KCNC1: variants seen among roughly 807,000 people sequenced by gnomAD.
KCNC1 encodes the protein potassium voltage-gated channel subfamily C member 1, also known as voltage-gated potassium channel KCNC1.
A neutral mutation model predicts 43.4 loss-of-function variants in KCNC1; 8 were observed. The observed-to-expected ratio is 0.18, with a 90% CI of 0.11 to 0.33. The LOEUF (loss-of-function observed/expected upper bound fraction) is 0.33. KCNC1 is among the 10% of genes least tolerant of loss of function. The pLI is 1.00. For missense variants in KCNC1, 420 were observed against 836.0 expected (o/e 0.50, Z 6.14); for synonymous variants, 361 against 360.5 (o/e 1.00, Z -0.01).
intron 1 of KCNC1, among the ~76,000 whole-genome samples, chr11:17,753,638 A>T (rs1013326713): frequency 2.0e-5 from 3 of 152,250 alleles, no homozygotes; most frequent in African/African-American, 7.2e-5. Context: ...CGCCTCTTCA[A>T]AAAGAAATTG....
chr11:17,775,684 A>G (rs1849277539), intron 2 of KCNC1: 17 of 985,508 alleles, frequency 1.7e-5, no homozygotes, highest in Non-Finnish European at 1.9e-5. Flanking sequence ...TGTCTTGTCC[A>G]TCTCCGCTCC....
intron 1 of KCNC1, among the ~76,000 whole-genome samples, chr11:17,737,364 C>T (rs190808441): frequency 8.0e-4 from 122 of 152,062 alleles, no homozygotes; most frequent in African/African-American, 2.8e-3. Flanking sequence ...GGGGTCGGTC[C>T]TTAAGGGTCC....
intron 1 of KCNC1, among the ~76,000 whole-genome samples, chr11:17,762,350 G>A (rs1030079508): frequency 6.6e-6 from 1 of 152,228 alleles, no homozygotes; most frequent in African/African-American, 2.4e-5. Flanking sequence ...AGAGGACCAG[G>A]GCGGGAGGGT....
rs746304442 is a variant in KCNC1 at position 17,742,436 on chromosome 11, G to T, written c.570+5864G>T. Among the ~76,000 whole-genome samples the T allele has an allele frequency of 3.9e-5, 6 of 152,182 alleles. No individual in the cohort carries two copies. Among genetic ancestry groups the T allele is most frequent in the Non-Finnish European group, 7.4e-5 (5 of 68,024 alleles). On this transcript the variant is annotated intron_variant, in intron 1 of 3. Coordinates refer to ENST00000265969, the MANE Select transcript of KCNC1 (RefSeq NM_001112741.2). The surrounding 1 kb of genome is among the most constrained non-coding windows in gnomAD (Gnocchi z 4.2). ...TATAATGCCTCTGGCTATTCTGAGC[G>T]GTCTCATGACCAGGGGATTCACTCT...
Position 17,771,628 on chromosome 11 carries a change from TG to T in KCNC1, c.571-34del. On this transcript the variant is annotated intron_variant, in intron 1 of 3. Transcript: ENST00000265969. The surrounding 1 kb of genome is among the most constrained non-coding windows in gnomAD (Gnocchi z 4.7). ...GCAACCCAGGCTTCTCCACTCTGGGTGGGCCTCCCTCTGACACTGTGTCTTT... is the reference window on the plus strand; with the variant it reads ...GCAACCCAGGCTTCTCCACTCTGGGTGGCCTCCCTCTGACACTGTGTCTTT... 6.4e-7 allele frequency: 1 copy of T among 1,559,220 alleles called. No individual in the cohort carries two copies. The highest frequency in any genetic ancestry group is 8.7e-7 in the Non-Finnish European group (1 of 1,143,938).
chr11:17,755,495 G>A (rs555845418), intron 1 of KCNC1, among the ~76,000 whole-genome samples: 2 of 152,286 alleles, frequency 1.3e-5, no homozygotes, highest in East Asian at 1.9e-4. Flanking sequence ...TGGGACATGG[G>A]TGGTCACAGC....
chr11:17,744,186 G>A, intron 1 of KCNC1, among the ~76,000 whole-genome samples: 1 of 152,168 alleles, frequency 6.6e-6, no homozygotes, highest in East Asian at 1.9e-4. Context: ...CAGAGGTCGT[G>A]CTAACTGACG....
At chr11:17,740,530 C>T (rs1328362705) in intron 1 of KCNC1, among the ~76,000 whole-genome samples, 1 of 152,114 alleles carries the variant, frequency 6.6e-6, no homozygotes, top group Non-Finnish European at 1.5e-5. Flanking sequence ...TGGGGGCCAG[C>T]TCAGGTCTGA....
Position 17,735,660 on chromosome 11 carries a change from T to G in KCNC1, c.-343T>G, listed in dbSNP as rs1469220458. 2.2e-5 allele frequency: 1 copy of G among 45,340 alleles called. No homozygotes were observed. 2.8% of individuals were successfully genotyped at this position (45,340 alleles called of 1,614,324 possible). On this transcript the variant is annotated 5_prime_UTR_variant, in exon 1 of 4. Coordinates refer to ENST00000265969, the MANE Select transcript of KCNC1 (RefSeq NM_001112741.2). The surrounding 1 kb of genome is among the most constrained non-coding windows in gnomAD (Gnocchi z 6.7). ...GGGCTCGCTGCTGAGCCCGCCCCCC[T>G]CCCTCTTTCCCCCTCACTCCCTCCC...
Position 17,776,042 on chromosome 11 carries a change from C to T in KCNC1, c.1505-3414C>T. The T allele has an allele frequency of 1.0e-6, 1 of 985,444 alleles. No homozygotes were observed. The highest frequency in any genetic ancestry group is 1.2e-6 in the Non-Finnish European group (1 of 829,972). The allele number at this position is 985,444 out of a possible 1,614,324, so 61.0% of individuals were successfully genotyped here. A position where few individuals can be genotyped will look rare whatever the true frequency, so the allele number is the denominator to read the frequency against. Reference sequence around the variant, plus strand: ...GCGGGTGGGGCTAAGAGAGTTTCTGCAGGGACCCAGCTGCAGGGTCAGCAG... The same window carrying T: ...GCGGGTGGGGCTAAGAGAGTTTCTGTAGGGACCCAGCTGCAGGGTCAGCAG... On this transcript the variant is annotated intron_variant, in intron 2 of 3. Coordinates refer to ENST00000265969, the MANE Select transcript of KCNC1 (RefSeq NM_001112741.2). The surrounding 1 kb of genome is among the most constrained non-coding windows in gnomAD (Gnocchi z 4.4).
At chr11:17,737,925 C>T (rs1269179328) in intron 1 of KCNC1, among the ~76,000 whole-genome samples, 1 of 146,362 alleles carries the variant, frequency 6.8e-6, no homozygotes, top group Admixed American at 6.7e-5. Context: ...CCTCAAGTGC[C>T]CATGGGCAAA....
chr11:17,745,979 T>C (rs886573), intron 1 of KCNC1, among the ~76,000 whole-genome samples: 117,539 of 152,148 alleles, frequency 0.77, 46,088 homozygotes, highest in East Asian at 0.9. Flanking sequence ...GGGATTTTTG[T>C]CTCTTTTTCC....
chr11:17,747,100 T>G (rs758103696), intron 1 of KCNC1, among the ~76,000 whole-genome samples: 17 of 152,134 alleles, frequency 1.1e-4, no homozygotes, highest in Non-Finnish European at 1.9e-4. Flanking sequence ...ATCAGATGCT[T>G]CTCCTAGGTG....
chr11:17,737,878 G>A (rs893898676), intron 1 of KCNC1, among the ~76,000 whole-genome samples: 1 of 152,192 alleles, frequency 6.6e-6, no homozygotes, highest in Non-Finnish European at 1.5e-5. Context: ...GGGGTAGGAA[G>A]TTGCAGAGGA....
At position 17,771,465 on chromosome 11, in the gene KCNC1, A is replaced by G. The variant is rs547445021; in HGVS notation, c.571-200A>G. ...CAATAGGGGGAAGAAGACAGCATGG[A>G]AGGCGGAGTAGGAGGGTTTTAGAGC... On this transcript the variant is annotated intron_variant, in intron 1 of 3. Coordinates refer to ENST00000265969, the MANE Select transcript of KCNC1 (RefSeq NM_001112741.2). The surrounding 1 kb of genome is among the most constrained non-coding windows in gnomAD (Gnocchi z 4.7). Among the ~76,000 whole-genome samples the G allele has an allele frequency of 1.2e-4, 19 of 152,304 alleles. No homozygotes were observed. The highest frequency in any genetic ancestry group is 6.2e-4 in the South Asian group (3 of 4,816).
At chr11:17,758,992 T>G (rs1045854092) in intron 1 of KCNC1, among the ~76,000 whole-genome samples, 1 of 152,242 alleles carries the variant, frequency 6.6e-6, no homozygotes, top group Admixed American at 6.5e-5. Context: ...TCTCTCTAGC[T>G]ATGAAAACCC....
chr11:17,773,493 G>T lies in KCNC1; in HGVS notation c.1504+895G>T. The T allele has an allele frequency of 1.0e-6, 1 of 984,084 alleles. No individual in the cohort carries two copies. The highest frequency in any genetic ancestry group is 4.7e-5 in the South Asian group (1 of 21,076). 61.0% of individuals were successfully genotyped at this position (984,084 alleles called of 1,614,324 possible). A position where few individuals can be genotyped will look rare whatever the true frequency, so the allele number is the denominator to read the frequency against. Reference sequence around the variant, plus strand: ...GGTTCTCCCCGTTTCCAGCGGTAGGGACTGCAGCAGCAATATAGACATCCC... The same window carrying T: ...GGTTCTCCCCGTTTCCAGCGGTAGGTACTGCAGCAGCAATATAGACATCCC... On this transcript the variant is annotated intron_variant, in intron 2 of 3. Transcript: ENST00000265969. The surrounding 1 kb of genome is among the most constrained non-coding windows in gnomAD (Gnocchi z 4.1).
intron 1 of KCNC1, among the ~76,000 whole-genome samples, chr11:17,770,986 A>G (rs895133356): frequency 6.6e-6 from 1 of 152,164 alleles, no homozygotes; most frequent in Non-Finnish European, 1.5e-5. Flanking sequence ...ACTCATTACC[A>G]TGTTGTGGTG....
chr11:17,766,115 G>A (rs1370454320), intron 1 of KCNC1, among the ~76,000 whole-genome samples: 1 of 152,226 alleles, frequency 6.6e-6, no homozygotes, highest in African/African-American at 2.4e-5. Flanking sequence ...GCCTCCATGT[G>A]CTCACAGTGC....
Sources: allele counts gnomAD v4.1 joint callset (sites outside exome capture counted in the v4.1 genomes callset), GRCh38; gene constraint gnomAD v4.1.1; non-coding constraint Gnocchi (gnomAD v3.1); transcripts MANE v1.5; gene names NCBI Gene and HGNC (gene_info 2026-07-23, HGNC 2026-07-21).